The following PHTF2 variants were observed in gnomAD, a reference collection of about 807,000 sequenced individuals.
The protein encoded by PHTF2 is protein PHTF2.
In PHTF2, 60 loss-of-function variants were observed where a neutral mutation model predicts 101.2. The ratio of observed to expected loss-of-function variants is 0.59; its 90% CI spans 0.48 to 0.73. The LOEUF (loss-of-function observed/expected upper bound fraction) is 0.73. Ranked by LOEUF, PHTF2 falls within the 30% of genes least tolerant of loss-of-function variation. The pLI, the probability that PHTF2 is intolerant of heterozygous loss-of-function variation, is 0.00. For missense variants in PHTF2, 747 were observed against 908.7 expected, an observed-to-expected ratio of 0.82 and a Z score of 2.29; for synonymous variants, 311 against 307.3, an observed-to-expected ratio of 1.01 and a Z score of -0.13.
intron 3 of PHTF2, among the ~76,000 whole-genome samples, chr7:77,864,617 A>AT (rs370777611): frequency 0.027 from 3,928 of 146,060 alleles, 67 homozygotes; most frequent in Middle Eastern, 0.058. Flanking sequence ...TATGCTTTTA[A>AT]TTTTTTTTTT....
chr7:77,947,519 C>T (rs1302299866), intron 16 of PHTF2, among the ~76,000 whole-genome samples: 5 of 150,764 alleles, frequency 3.3e-5, no homozygotes, highest in Admixed American at 6.6e-5. Flanking sequence ...GCCAAGATAA[C>T]GCCACTGCAC....
chr7:77,870,662 T>G (rs1798441790), intron 3 of PHTF2, among the ~76,000 whole-genome samples: 1 of 152,168 alleles, frequency 6.6e-6, no homozygotes, highest in South Asian at 2.1e-4. Flanking sequence ...GATCAAAACT[T>G]TGTATCCTTC....
At chr7:77,914,320 CAAG>C (rs60518836) in intron 9 of PHTF2, among the ~76,000 whole-genome samples, 9,095 of 152,162 alleles carry the variant, frequency 0.06, 613 homozygotes, top group African/African-American at 0.17. Flanking sequence ...TGAATTTAAA[CAAG>C]GAGTTGGATA....
At chr7:77,841,448 A>G (rs1207904138) in intron 2 of PHTF2, among the ~76,000 whole-genome samples, 2 of 152,092 alleles carry the variant, frequency 1.3e-5, no homozygotes, top group Admixed American at 6.5e-5. Context: ...AAAGTTAGAC[A>G]AACTAAGAAT....
chr7:77,912,710 C>CTTTTTTTTTTTT (rs536966733), intron 9 of PHTF2, among the ~76,000 whole-genome samples: 2 of 80,466 alleles, frequency 2.5e-5, no homozygotes, highest in African/African-American at 4.8e-5. Flanking sequence ...AGAGAACCAC[C>CTTTTTTTTTTTT]TTTTTTTTTT....
chr7:77,848,334 A>G (rs1796472137), intron 2 of PHTF2, among the ~76,000 whole-genome samples: 1 of 152,198 alleles, frequency 6.6e-6, no homozygotes, highest in South Asian at 2.1e-4. Context: ...AACGATGTAC[A>G]GGGATTCCCA....
intron 5 of PHTF2, chr7:77,895,214 A>C (rs756447644): frequency 2.2e-6 from 1 of 449,128 alleles, no homozygotes; most frequent in South Asian, 1.6e-5. Context: ...TGTATGTGAT[A>C]CATACATACA....
intron 5 of PHTF2, 59 bp downstream of exon 4, chr7:77,894,052 A>G: frequency 1.6e-6 from 2 of 1,268,508 alleles, no homozygotes; most frequent in Admixed American, 1.7e-5. Flanking sequence ...GGTCTGCTTA[A>G]TTGAGATCTG....
chr7:77,932,165 G>A (rs1047204902), intron 12 of PHTF2, among the ~76,000 whole-genome samples: 9 of 152,144 alleles, frequency 5.9e-5, no homozygotes, highest in African/African-American at 1.9e-4. Flanking sequence ...GGTAATTAGG[G>A]AAATTGAGCT....
intron 5 of PHTF2, among the ~76,000 whole-genome samples, chr7:77,897,621 G>A (rs1052379808): frequency 6.6e-6 from 1 of 151,880 alleles, no homozygotes; most frequent in African/African-American, 2.4e-5. Context: ...GTGTGAATGT[G>A]GTTTACCCCA....
At chr7:77,956,190 T>G (rs980214620) in exon 20 of PHTF2, 1 of 152,630 alleles carries the variant, frequency 6.6e-6, no homozygotes, top group Non-Finnish European at 1.5e-5. Flanking sequence ...TCTAAAAATT[T>G]ATTTGAAACA....
chr7:77,853,398 ATT>A lies in PHTF2; in HGVS notation c.46-1323_46-1322del, dbSNP rs201777573. On this transcript the variant is annotated intron_variant, in intron 2 of 19. Transcript: ENST00000416283. ...GTCAGTTGAATTTTTCAGCTCTGGA[ATT>A]TTTTTTTTTTTGAGACAGAGTCTTG... Among the ~76,000 whole-genome samples, 8 of 146,186 alleles carry A rather than the reference ATT, an allele frequency of 5.5e-5. No homozygotes were observed. In the South Asian group the frequency reaches 6.5e-4, roughly 12 times the overall value.
chr7:77,875,356 CTG>C (rs1314170838), intron 3 of PHTF2, among the ~76,000 whole-genome samples: 5 of 151,296 alleles, frequency 3.3e-5, no homozygotes, highest in African/African-American at 7.3e-5. Context: ...AAATCTATTC[CTG>C]TGTGTGTGTA....
At chr7:77,909,994 A>G (rs1049715839) in intron 8 of PHTF2, 1 of 320,706 alleles carries the variant, frequency 3.1e-6, no homozygotes, top group Admixed American at 4.6e-5. Context: ...TATCCATCCA[A>G]TGCAATCCTT....
At chr7:77,813,169 G>C (rs1400795472) in intron 1 of PHTF2, among the ~76,000 whole-genome samples, 1 of 152,148 alleles carries the variant, frequency 6.6e-6, no homozygotes, top group Non-Finnish European at 1.5e-5. Flanking sequence ...TTTAAACCAA[G>C]ATATTAGATG....
At chr7:77,910,517 T>G (rs1802289416) in intron 9 of PHTF2, 108 bp downstream of exon 8, 1 of 746,414 alleles carries the variant, frequency 1.3e-6, no homozygotes, top group African/African-American at 1.8e-5. Context: ...GACAGCCTCA[T>G]TATGGATTTT....
intron 3 of PHTF2, among the ~76,000 whole-genome samples, chr7:77,890,024 C>CG (rs1800239888): frequency 1.4e-5 from 2 of 144,870 alleles, no homozygotes; most frequent in South Asian, 2.2e-4. Flanking sequence ...TAAGACGCGC[C>CG]CCCCCCCACC....
chr7:77,946,362 A>G (rs1188509081), intron 16 of PHTF2, among the ~76,000 whole-genome samples: 1 of 152,208 alleles, frequency 6.6e-6, no homozygotes, highest in African/African-American at 2.4e-5. Context: ...TATTTACTTT[A>G]AAATTGGGAA....
chr7:77,947,970 C>G (rs1806224352), intron 16 of PHTF2, among the ~76,000 whole-genome samples: 1 of 151,314 alleles, frequency 6.6e-6, no homozygotes, highest in South Asian at 2.1e-4. Flanking sequence ...TCCTGAGTAG[C>G]TGGGATTACA....
Sources: gnomAD v4.1 joint callset for allele counts (sites outside exome capture counted in the v4.1 genomes callset) on GRCh38, gnomAD v4.1.1 for gene constraint, MANE v1.5 for transcripts, NCBI Gene and HGNC (gene_info 2026-07-23, HGNC 2026-07-21) for gene names.